The following FARS2 variants were observed in gnomAD, a reference collection of about 807,000 sequenced individuals.
The protein encoded by FARS2 is phenylalanine--tRNA ligase, mitochondrial.
Under a neutral mutation model 46.4 loss-of-function variants are expected in FARS2, and 40 were observed. The observed-to-expected ratio is 0.86, with a 90% CI of 0.67 to 1.12. The LOEUF (loss-of-function observed/expected upper bound fraction) is 1.12. Ranked by LOEUF, FARS2 falls within the 50% of genes most tolerant of loss-of-function variation. FARS2 has a pLI of 0.00. For missense variants in FARS2, 513 were observed against 567.9 expected (o/e 0.90, Z 0.98); for synonymous variants, 234 against 214.9 (o/e 1.09, Z -0.78).
chr6:5,688,507 C>T (rs1392029181), intron 6 of FARS2, among the ~76,000 whole-genome samples: 1 of 152,018 alleles, frequency 6.6e-6, no homozygotes, highest in Non-Finnish European at 1.5e-5. Context: ...TTACGTTTAT[C>T]GATTTGCGTA....
At chr6:5,678,619 A>G (rs898051125) in intron 6 of FARS2, among the ~76,000 whole-genome samples, 1 of 152,124 alleles carries the variant, frequency 6.6e-6, no homozygotes, top group Non-Finnish European at 1.5e-5. Flanking sequence ...ACACATAGCC[A>G]TCCTTTGTAA....
chr6:5,460,359 C>T (rs1765175720), intron 4 of FARS2, among the ~76,000 whole-genome samples: 1 of 152,110 alleles, frequency 6.6e-6, no homozygotes, highest in Non-Finnish European at 1.5e-5. Flanking sequence ...CCTGTGTCTT[C>T]CTGTGTATTA....
At chr6:5,563,094 G>A (rs974194943) in intron 5 of FARS2, among the ~76,000 whole-genome samples, 12 of 152,028 alleles carry the variant, frequency 7.9e-5, no homozygotes, top group East Asian at 5.8e-4. Flanking sequence ...AGGGAGGGGG[G>A]CTCCAAAGCC....
intron 6 of FARS2, among the ~76,000 whole-genome samples, chr6:5,770,506 T>A (rs1445885413): frequency 1.3e-5 from 2 of 152,136 alleles, no homozygotes; most frequent in Non-Finnish European, 2.9e-5. Context: ...CATTCAGAGA[T>A]GGTGAGATGT....
At position 5,450,047 on chromosome 6, in the gene FARS2, T is replaced by C. The variant is rs568213343; in HGVS notation, c.904+18875T>C. 1.1e-3 allele frequency among the ~76,000 whole-genome samples: 165 copies of C among 152,352 alleles called. 1 individual carries two copies. Among genetic ancestry groups the C allele is most frequent in the African/African-American group, 3.5e-3 (145 of 41,582 alleles). ...TGGGTTTTGCATCCTGCAAATACTG[T>C]ATTTTTGACCCACAGTTGGTTAAAA... On this transcript the variant is annotated intron_variant, in intron 4 of 6. Transcript: ENST00000274680.
rs1477142718 is a variant in FARS2, at chr6:5,765,146, C to G, written c.1218-6145C>G. 6.6e-6 allele frequency among the ~76,000 whole-genome samples: 1 copy of G among 152,228 alleles called. No homozygotes were observed. The highest frequency in any genetic ancestry group is 2.4e-5 in the African/African-American group (1 of 41,456). ...CGGCATTGAAATATGCCATCCCCTC[C>G]CTGCTGTTGCATTCTGCCGTCCAGC... On this transcript the variant is annotated intron_variant, in intron 6 of 6. Coordinates refer to ENST00000274680, the MANE Select transcript of FARS2 (RefSeq NM_006567.5). The surrounding 1 kb of genome is among the most constrained non-coding windows in gnomAD (Gnocchi z 4.0).
intron 5 of FARS2, among the ~76,000 whole-genome samples, chr6:5,601,893 A>T (rs575322505): frequency 2.0e-4 from 30 of 152,338 alleles, no homozygotes; most frequent in African/African-American, 7.0e-4. Flanking sequence ...TAAAAGCTGC[A>T]AAGTGGTCCT....
rs11437782 is a variant in FARS2 at position 5,345,200 on chromosome 6, TAAA to T, written c.-21-23342_-21-23340del. On this transcript the variant is annotated intron_variant, in intron 1 of 6. Transcript: ENST00000274680. ...GGCGACTAAAGAAATAATAGTATAA[TAAA>T]AAAAAAACGCCATTATAATTATTTT... 9.0e-4 allele frequency among the ~76,000 whole-genome samples: 134 copies of T among 148,834 alleles called. 1 individual carries two copies. The highest frequency in any genetic ancestry group is 3.2e-3 in the African/African-American group (130 of 40,670).
At chr6:5,515,201 G>A (rs1768712977) in intron 4 of FARS2, among the ~76,000 whole-genome samples, 1 of 152,022 alleles carries the variant, frequency 6.6e-6, no homozygotes, top group Non-Finnish European at 1.5e-5. Flanking sequence ...TTGTAATTCT[G>A]GAAATAATGT....
At chr6:5,450,982 A>G (rs753250843) in intron 4 of FARS2, among the ~76,000 whole-genome samples, 4 of 152,036 alleles carry the variant, frequency 2.6e-5, no homozygotes, top group Non-Finnish European at 5.9e-5. Flanking sequence ...AAGATTTGGG[A>G]AAAATCCTGC....
intron 6 of FARS2, among the ~76,000 whole-genome samples, chr6:5,690,297 G>A (rs1276531788): frequency 1.3e-5 from 2 of 152,126 alleles, no homozygotes; most frequent in African/African-American, 4.8e-5. Flanking sequence ...TAGCCTCGAT[G>A]GTCTTTACAA....
At chr6:5,405,621 T>A (rs1038307483) in intron 3 of FARS2, among the ~76,000 whole-genome samples, 1 of 151,290 alleles carries the variant, frequency 6.6e-6, no homozygotes, top group Non-Finnish European at 1.5e-5. Flanking sequence ...GCCTCCTGAG[T>A]AGCTGGGATG....
intron 6 of FARS2, among the ~76,000 whole-genome samples, chr6:5,730,546 T>C (rs1760555400): frequency 6.6e-6 from 1 of 152,136 alleles, no homozygotes; most frequent in Non-Finnish European, 1.5e-5. Context: ...TAGAACTGTT[T>C]TTCTTAGATT....
At chr6:5,590,205 T>A (rs1317133858) in intron 5 of FARS2, among the ~76,000 whole-genome samples, 3 of 152,206 alleles carry the variant, frequency 2.0e-5, no homozygotes, top group Non-Finnish European at 2.9e-5. Context: ...TAGTGAAGAA[T>A]GATGCATAGA....
intron 6 of FARS2, among the ~76,000 whole-genome samples, chr6:5,766,609 G>C (rs902056665): frequency 1.3e-5 from 2 of 152,146 alleles, no homozygotes; most frequent in African/African-American, 2.4e-5. Flanking sequence ...AAAGGAAGAG[G>C]GTGACAGTTA....
intron 6 of FARS2, among the ~76,000 whole-genome samples, chr6:5,664,635 G>T (rs1370437425): frequency 6.6e-6 from 1 of 152,158 alleles, no homozygotes; most frequent in Non-Finnish European, 1.5e-5. Flanking sequence ...ATAAGAAGTG[G>T]ACATTGTGTT....
At chr6:5,595,643 G>A (rs138386151) in intron 5 of FARS2, among the ~76,000 whole-genome samples, 407 of 152,312 alleles carry the variant, frequency 2.7e-3, no homozygotes, top group Middle Eastern at 0.01. Flanking sequence ...GTTACAGACT[G>A]GGATGGTCAT....
At chr6:5,705,191 G>A (rs1007026555) in intron 6 of FARS2, among the ~76,000 whole-genome samples, 2 of 152,182 alleles carry the variant, frequency 1.3e-5, no homozygotes, top group African/African-American at 4.8e-5. Flanking sequence ...GTTACAATCT[G>A]ACCAAATAAG....
intron 1 of FARS2, among the ~76,000 whole-genome samples, chr6:5,283,398 AAT>A (rs1766885089): frequency 1.3e-5 from 2 of 148,170 alleles, no homozygotes; most frequent in African/African-American, 5.2e-5. Flanking sequence ...AAAAAAAACA[AAT>A]TAGCCAGGCG....
Sources: allele counts gnomAD v4.1 joint callset (sites outside exome capture counted in the v4.1 genomes callset), GRCh38; gene constraint gnomAD v4.1.1; non-coding constraint Gnocchi (gnomAD v3.1); transcripts MANE v1.5; gene names NCBI Gene and HGNC (gene_info 2026-07-23, HGNC 2026-07-21).